Variants in SCN11A observed in about 807,000 individuals in gnomAD.
The protein encoded by SCN11A is sodium voltage-gated channel alpha subunit 11, also known as sodium channel protein type 11 subunit alpha.
A neutral mutation model predicts 162.2 loss-of-function variants in SCN11A; 122 were observed. The observed-to-expected ratio is 0.75, with a 90% CI of 0.65 to 0.87. The LOEUF is 0.87. Among genes scored for constraint, SCN11A ranks in the 40% least tolerant of loss-of-function variants. The pLI, the probability that SCN11A is intolerant of heterozygous loss-of-function variation, is 0.00. For missense variants in SCN11A, 2,015 were observed against 2,181.6 expected, an observed-to-expected ratio of 0.92 and a Z score of 1.52; for synonymous variants, 758 against 751.5, an observed-to-expected ratio of 1.01 and a Z score of -0.14.
At chr3:38,907,873 T>G in intron 14 of SCN11A, 76 bp downstream of exon 14, 5 of 1,269,994 alleles carry the variant, frequency 3.9e-6, no homozygotes, top group Admixed American at 2.4e-5. Context: ...AAATGAATTA[T>G]TTCAATTTGA....
chr3:39,028,943 T>A (rs1264795564), intron 2 of SCN11A, among the ~76,000 whole-genome samples: 1 of 152,198 alleles, frequency 6.6e-6, no homozygotes, highest in Non-Finnish European at 1.5e-5. Context: ...AATTGCAACA[T>A]GAGTTTTATA....
In SCN11A at chr3:38,879,391, G is replaced by A. The variant is rs139665370; in HGVS notation, c.3393+559C>T. On this transcript the variant is annotated intron_variant, in intron 23 of 29. Transcript: ENST00000302328. ...TGAATCCCAATTTCACCACTTATCAGCTCTATGACCTGAAACAAATTGATA... is the reference window on the plus strand; with the variant it reads ...TGAATCCCAATTTCACCACTTATCAACTCTATGACCTGAAACAAATTGATA... Among the ~76,000 whole-genome samples the A allele has an allele frequency of 6.8e-3, 1,033 of 152,258 alleles. 8 individuals carry two copies. Among genetic ancestry groups the A allele is most frequent in the African/African-American group, 0.023 (968 of 41,550 alleles).
intron 2 of SCN11A, among the ~76,000 whole-genome samples, chr3:39,009,417 T>C (rs1318579781): frequency 6.6e-6 from 1 of 151,484 alleles, no homozygotes; most frequent in Non-Finnish European, 1.5e-5. Context: ...TGTGTGTCTA[T>C]ATATATACAT....
chr3:38,889,841 A>T (rs1346958766), intron 19 of SCN11A, among the ~76,000 whole-genome samples: 2 of 148,730 alleles, frequency 1.3e-5, no homozygotes, highest in African/African-American at 4.9e-5. Flanking sequence ...ATAAAATAAA[A>T]TAAAATAAAA....
chr3:38,867,388 C>T lies in SCN11A; in HGVS notation c.3884G>A (p.Gly1295Asp). 1 of 1,612,570 alleles carries T rather than the reference C, an allele frequency of 6.2e-7. No homozygotes were observed. The highest frequency in any genetic ancestry group is 8.5e-7 in the Non-Finnish European group (1 of 1,178,768). The change falls in exon 27 of 30, where the codon GGC becomes GAC. Residue 1295 changes from glycine to aspartate, a missense_variant. Physicochemically the swap from Gly to Asp is moderately conservative, Grantham distance 94. Transcript: ENST00000302328. ...GAAGAGATTCAGAGTGAAGAATGAG[C>T]CAAAGATGATAAAGACTACGAAGTA... ...YIYFVVFIIF[G>D]SFFTLNLFIG...
intron 28 of SCN11A, among the ~76,000 whole-genome samples, chr3:38,860,996 A>T (rs1400101314): frequency 6.6e-6 from 1 of 152,186 alleles, no homozygotes; most frequent in Non-Finnish European, 1.5e-5. Flanking sequence ...AAAACCCTAA[A>T]GACTCATCCA....
chr3:38,938,128 GA>G (rs1415294063), intron 7 of SCN11A, among the ~76,000 whole-genome samples: 1 of 151,848 alleles, frequency 6.6e-6, no homozygotes, highest in East Asian at 1.9e-4. Context: ...ACTATCGCAA[GA>G]ACAAAAAACC....
At chr3:38,848,474 G>A (rs922171575) in intron 29 of SCN11A, among the ~76,000 whole-genome samples, 42 of 152,100 alleles carry the variant, frequency 2.8e-4, no homozygotes, top group Non-Finnish European at 2.9e-5. Context: ...GTCTATTAGG[G>A]TTCATGGGCA....
chr3:38,896,801 G>A lies in SCN11A; in HGVS notation c.2403+44C>T, dbSNP rs202072876. On this transcript the variant is annotated intron_variant, in intron 18 of 29. Transcript: ENST00000302328. ...ATGAAGTAATGCATTTGAGAGGCAT[G>A]TAGGATCTTTTTTTTTTTTTTGAAA... 44 of 1,323,740 alleles carry A rather than the reference G, an allele frequency of 3.3e-5. 1 individual carries two copies. The South Asian group carries it at 4.8e-4, about 14-fold the overall frequency. The allele number at this position is 1,323,740 out of a possible 1,614,324, so 82.0% of individuals were successfully genotyped here. A position where few individuals can be genotyped will look rare whatever the true frequency, so the allele number is the denominator to read the frequency against.
chr3:39,010,410 C>A lies in SCN11A; in HGVS notation c.-280+21970G>T, dbSNP rs987787844. Among the ~76,000 whole-genome samples, 3 of 137,252 alleles carry A rather than the reference C, an allele frequency of 2.2e-5. No individual in the cohort carries two copies. In the South Asian group the frequency reaches 6.7e-4, roughly 31 times the overall value. The allele number at this position is 137,252 out of a possible 152,430, so 90.0% of individuals were successfully genotyped here. ...CTTTTTTTTTTTTGAGACAGAGTTT[C>A]GCTTTGTTCCCCAAGCTGGAGTGCA... On this transcript the variant is annotated intron_variant, in intron 2 of 29. Coordinates refer to ENST00000302328, the MANE Select transcript of SCN11A (RefSeq NM_001349253.2).
At chr3:38,885,726 G>A (rs1274181574) in intron 20 of SCN11A, among the ~76,000 whole-genome samples, 1 of 152,142 alleles carries the variant, frequency 6.6e-6, no homozygotes, top group African/African-American at 2.4e-5. Context: ...TGAGAAGAAG[G>A]CTACTTTACT....
intron 2 of SCN11A, among the ~76,000 whole-genome samples, chr3:39,018,553 TCAAGCCTGTAA>T (rs1489421018): frequency 1.3e-5 from 2 of 152,130 alleles, no homozygotes; most frequent in Non-Finnish European, 2.9e-5. Flanking sequence ...GCGCGGTGGC[TCAAGCCTGTAA>T]TCCCAGCACT....
intron 4 of SCN11A, among the ~76,000 whole-genome samples, chr3:38,951,211 G>A (rs371282164): frequency 1.1e-4 from 17 of 152,210 alleles, no homozygotes; most frequent in South Asian, 6.2e-4. Flanking sequence ...CTGGAGTTCC[G>A]GGTGGGCGTG....
chr3:38,859,461 A>G (rs2064926914), intron 28 of SCN11A, among the ~76,000 whole-genome samples: 1 of 152,178 alleles, frequency 6.6e-6, no homozygotes, highest in Non-Finnish European at 1.5e-5. Flanking sequence ...TCCTAGATTA[A>G]ATCAGGAAGA....
intron 28 of SCN11A, among the ~76,000 whole-genome samples, chr3:38,855,252 T>C (rs1393399406): frequency 1.3e-5 from 2 of 152,134 alleles, no homozygotes; most frequent in Non-Finnish European, 2.9e-5. Flanking sequence ...CTACTGGCTA[T>C]CCCCCACTTC....
intron 12 of SCN11A, 105 bp downstream of exon 12, chr3:38,909,961 A>C: frequency 9.4e-7 from 1 of 1,059,480 alleles, no homozygotes; most frequent in Non-Finnish European, 1.4e-6. Flanking sequence ...GTGGGGGATG[A>C]ATGGTAGTTA....
intron 2 of SCN11A, among the ~76,000 whole-genome samples, chr3:38,996,138 C>G (rs989279606): frequency 6.6e-6 from 1 of 152,154 alleles, no homozygotes; most frequent in South Asian, 2.1e-4. Context: ...GACTTCCCAG[C>G]CTCCAGAACT....
chr3:38,914,784 T>C (rs1482481610), intron 11 of SCN11A, among the ~76,000 whole-genome samples: 3 of 152,308 alleles, frequency 2.0e-5, no homozygotes, highest in East Asian at 3.9e-4. Flanking sequence ...TCACATTTAT[T>C]GATTTGCATA....
chr3:38,946,106 C>T (rs2066512540), intron 6 of SCN11A, among the ~76,000 whole-genome samples: 1 of 152,160 alleles, frequency 6.6e-6, no homozygotes, highest in African/African-American at 2.4e-5. Flanking sequence ...ATAATTCCTA[C>T]CTGCCTTTAC....
Sources: gnomAD v4.1 joint callset for allele counts (sites outside exome capture counted in the v4.1 genomes callset) on GRCh38, gnomAD v4.1.1 for gene constraint, MANE v1.5 for transcripts, NCBI Gene and HGNC (gene_info 2026-07-23, HGNC 2026-07-21) for gene names.